Variants in PKNOX1 observed in about 807,000 individuals in gnomAD.
PKNOX1 encodes homeobox protein PKNOX1.
PKNOX1 carries 15 observed loss-of-function variants against 51.9 expected under a neutral mutation model. The ratio of observed to expected loss-of-function variants is 0.29; its 90% CI spans 0.19 to 0.45. The LOEUF (loss-of-function observed/expected upper bound fraction) is 0.45. Among genes scored for constraint, PKNOX1 ranks in the 20% least tolerant of loss-of-function variants. The probability of loss-of-function intolerance (pLI) is 1.00; values close to 1 mark genes in which losing one functional copy is unlikely to be tolerated. For synonymous variants in PKNOX1, 219 were observed against 211.1 expected (o/e 1.04, Z -0.32); for missense variants, 462 against 547.5 (o/e 0.84, Z 1.56).
intron 7 of PKNOX1, among the ~76,000 whole-genome samples, chr21:43,018,895 C>G (rs143839056): frequency 0.047 from 7,098 of 152,120 alleles, 195 homozygotes; most frequent in Middle Eastern, 0.14. Flanking sequence ...CAAGACTAGC[C>G]TGGCCAGTAT....
Position 43,028,849 on chromosome 21 carries a change from G to T in PKNOX1, c.1074G>T (p.Pro358=). 1.2e-6 allele frequency: 2 copies of T among 1,614,114 alleles called. No individual in the cohort carries two copies. The highest frequency in any genetic ancestry group is 2.7e-5 in the African/African-American group (2 of 75,016). The part of the protein sequence containing the change: ...DSIASGVAQP[P]PSELTMSEGA... ...TTGCATCAGGAGTCGCACAGCCACC[G>T]CCGAGCGAGCTCACCATGTCGGAAG... The change falls in exon 10 of 11, where the codon CCG becomes CCT. Residue 358 remains proline (P), a synonymous_variant. Transcript: ENST00000291547.
chr21:43,012,059 C>A (rs1199366178), intron 4 of PKNOX1, among the ~76,000 whole-genome samples: 1 of 152,184 alleles, frequency 6.6e-6, no homozygotes, highest in South Asian at 2.1e-4. Flanking sequence ...GAGTTTGACA[C>A]TCCATCATTT....
intron 2 of PKNOX1, among the ~76,000 whole-genome samples, chr21:43,006,246 C>T (rs1324867100): frequency 6.6e-6 from 1 of 152,174 alleles, no homozygotes; most frequent in Non-Finnish European, 1.5e-5. Flanking sequence ...GTCTCAGCCT[C>T]CTGAGTACCT....
At position 43,033,382 on chromosome 21, in the gene PKNOX1, G is replaced by C. The variant is rs888523020; in HGVS notation, c.*3281G>C. 1 of 152,636 alleles carries C rather than the reference G, an allele frequency of 6.6e-6. No individual in the cohort carries two copies. Among genetic ancestry groups the C allele is most frequent in the African/African-American group, 2.4e-5 (1 of 41,464 alleles). 9.5% of individuals were successfully genotyped at this position (152,636 alleles called of 1,614,324 possible). ...GTGTCCAGAGGGGGTTCTGCCCCTT[G>C]TGAAGGCCCATTCCTGGCACTTAGA... On this transcript the variant is annotated 3_prime_UTR_variant, in exon 11 of 11. Transcript: ENST00000291547.
intron 2 of PKNOX1, among the ~76,000 whole-genome samples, chr21:43,005,144 C>A (rs1440971112): frequency 2.6e-5 from 4 of 152,330 alleles, no homozygotes; most frequent in Admixed American, 1.3e-4. Context: ...GGCTCATCAT[C>A]CCACTGACTC....
rs573644926 is a variant in PKNOX1 at position 43,032,476 on chromosome 21, G to T, written c.*2375G>T. ...GAATTTAAGAGTGCTGCCCCTGCCC[G>T]GCGCAGTAGGGCGTGCCTCTAGTTC... is the stretch of plus-strand genomic sequence containing the variant. On this transcript the variant is annotated 3_prime_UTR_variant, in exon 11 of 11. Coordinates refer to ENST00000291547, the MANE Select transcript of PKNOX1 (RefSeq NM_004571.5). 5 of 263,326 alleles carry T rather than the reference G, an allele frequency of 1.9e-5. No homozygotes were observed. The highest frequency in any genetic ancestry group is 1.1e-4 in the African/African-American group (5 of 45,270). The allele number at this position is 263,326 out of a possible 1,614,324, so 16.3% of individuals were successfully genotyped here.
Position 43,004,368 on chromosome 21 carries a change from A to G in PKNOX1, c.-14A>G, listed in dbSNP as rs201947360. On this transcript the variant is annotated 5_prime_UTR_variant, in exon 2 of 11. Coordinates refer to ENST00000291547, the MANE Select transcript of PKNOX1 (RefSeq NM_004571.5). ...CCCAAGATGATTTGATGTCTTATAAAACTCTGATGAACCATGATGGCTACA... is the reference window on the plus strand; with the variant it reads ...CCCAAGATGATTTGATGTCTTATAAGACTCTGATGAACCATGATGGCTACA... The G allele has an allele frequency of 3.5e-5, 56 of 1,584,030 alleles. No homozygotes were observed. In the East Asian group the frequency reaches 1.2e-3, roughly 34 times the overall value.
At chr21:42,999,027 C>G (rs768211995) in intron 1 of PKNOX1, among the ~76,000 whole-genome samples, 7 of 152,232 alleles carry the variant, frequency 4.6e-5, no homozygotes, top group Non-Finnish European at 1.0e-4. Flanking sequence ...CAGAGGTTCT[C>G]CATGAGAGCC....
intron 1 of PKNOX1, among the ~76,000 whole-genome samples, chr21:42,985,602 TGA>T (rs1196465604): frequency 2.0e-5 from 3 of 151,736 alleles, no homozygotes; most frequent in Admixed American, 6.6e-5. Context: ...CCCACAATGC[TGA>T]GATTACAGGA....
intron 3 of PKNOX1, among the ~76,000 whole-genome samples, chr21:43,009,728 C>T (rs1346672854): frequency 2.0e-5 from 3 of 151,962 alleles, no homozygotes; most frequent in Admixed American, 6.6e-5. Flanking sequence ...TAGACGGTTC[C>T]CATTTAGACA....
At chr21:42,978,486 C>CTTTTTTTTTTTTTTTTTTTTTT (rs200084508) in intron 1 of PKNOX1, among the ~76,000 whole-genome samples, 3 of 124,890 alleles carry the variant, frequency 2.4e-5, no homozygotes, top group Non-Finnish European at 5.1e-5. Context: ...CTTTTCTTTT[C>CTTTTTTTTTTTTTTTTTTTTTT]TTTTTTTTTT....
At chr21:42,988,352 C>G (rs964571940) in intron 1 of PKNOX1, among the ~76,000 whole-genome samples, 1 of 152,060 alleles carries the variant, frequency 6.6e-6, no homozygotes, top group Admixed American at 6.6e-5. Context: ...CCCGGCCAGC[C>G]CTCAGTTCTT....
At chr21:42,983,491 A>C (rs1183622324) in intron 1 of PKNOX1, among the ~76,000 whole-genome samples, 1 of 150,916 alleles carries the variant, frequency 6.6e-6, no homozygotes, top group East Asian at 1.9e-4. Context: ...TTAAGGCTGA[A>C]TACTCCATTG....
At chr21:43,023,197 T>A (rs991157338) in intron 8 of PKNOX1, among the ~76,000 whole-genome samples, 2 of 151,948 alleles carry the variant, frequency 1.3e-5, no homozygotes, top group African/African-American at 4.8e-5. Context: ...CTGTTTCTAT[T>A]TTATGAGCTT....
chr21:43,018,235 G>A lies in PKNOX1; in HGVS notation c.720+5G>A. ...ATTAGGATCCAGAACTCCCAGGTGC[G>A]TGCGCCATTTTATGGAAGGCTTTGG... On this transcript the variant is annotated splice_donor_5th_base_variant and intron_variant, in intron 7 of 10. Coordinates refer to ENST00000291547, the MANE Select transcript of PKNOX1 (RefSeq NM_004571.5). The A allele has an allele frequency of 6.2e-7, 1 of 1,604,262 alleles. No individual in the cohort carries two copies. Among genetic ancestry groups the A allele is most frequent in the Non-Finnish European group, 8.5e-7 (1 of 1,171,184 alleles).
chr21:43,017,841 C>T (rs1275399123), intron 6 of PKNOX1: 2 of 255,488 alleles, frequency 7.8e-6, no homozygotes, highest in African/African-American at 4.6e-5. Flanking sequence ...GACAAGTCAA[C>T]TGGCAAAGGA....
chr21:42,979,054 C>G (rs1237621244), intron 1 of PKNOX1, among the ~76,000 whole-genome samples: 3 of 152,234 alleles, frequency 2.0e-5, no homozygotes, highest in Non-Finnish European at 2.9e-5. Context: ...GATGTGCCAG[C>G]ATGCCCAGCT....
chr21:42,987,404 A>AAAATAT, intron 1 of PKNOX1, among the ~76,000 whole-genome samples: 34 of 41,410 alleles, frequency 8.2e-4, no homozygotes, highest in Admixed American at 1.8e-3. Flanking sequence ...AAAAAAAAAA[A>AAAATAT]ATATATATAT....
At chr21:43,000,350 G>C (rs764257871) in intron 1 of PKNOX1, among the ~76,000 whole-genome samples, 17 of 152,352 alleles carry the variant, frequency 1.1e-4, no homozygotes, top group South Asian at 2.1e-4. Flanking sequence ...TGGAGTTACA[G>C]TTCCACATGG....
Sources: allele counts gnomAD v4.1 joint callset (sites outside exome capture counted in the v4.1 genomes callset), GRCh38; gene constraint gnomAD v4.1.1; transcripts MANE v1.5; gene names NCBI Gene and HGNC (gene_info 2026-07-23, HGNC 2026-07-21).